The following CORO2B variants were observed in gnomAD, a reference collection of about 807,000 sequenced individuals.
CORO2B encodes the protein coronin-2B.
Under a neutral mutation model 58.8 loss-of-function variants are expected in CORO2B, and 26 were observed. The observed-to-expected ratio is 0.44, with a 90% CI of 0.32 to 0.61. The LOEUF is 0.61. Among genes scored for constraint, CORO2B ranks in the 20% least tolerant of loss-of-function variants. The pLI is 0.04. For synonymous variants in CORO2B, 242 were observed against 253.8 expected (o/e 0.95, Z 0.44); for missense variants, 460 against 645.1 (o/e 0.71, Z 3.11).
chr15:68,592,175 T>C (rs1331714780), intron 1 of CORO2B, among the ~76,000 whole-genome samples: 2 of 152,184 alleles, frequency 1.3e-5, no homozygotes, highest in Non-Finnish European at 2.9e-5. Flanking sequence ...GACAAGTTCA[T>C]GAGACTTGGA....
At chr15:68,582,767 G>A (rs1413924541) in intron 1 of CORO2B, among the ~76,000 whole-genome samples, 1 of 152,198 alleles carries the variant, frequency 6.6e-6, no homozygotes, top group Non-Finnish European at 1.5e-5. Context: ...GCTGCTGGCT[G>A]TGATGTGACC....
chr15:68,615,716 C>A (rs1402856963), intron 1 of CORO2B, among the ~76,000 whole-genome samples: 1 of 152,156 alleles, frequency 6.6e-6, no homozygotes, highest in Non-Finnish European at 1.5e-5. Flanking sequence ...GAGGATGCAG[C>A]TAGAAGGCCC....
chr15:68,594,852 G>A (rs1899788168), intron 1 of CORO2B, among the ~76,000 whole-genome samples: 1 of 152,174 alleles, frequency 6.6e-6, no homozygotes. Flanking sequence ...CTTTCCTGGC[G>A]AATCCAAATA....
chr15:68,544,719 C>T, the CORO2B span, among the ~76,000 whole-genome samples: 2 of 152,008 alleles, frequency 1.3e-5, no homozygotes, highest in Non-Finnish European at 2.9e-5. Flanking sequence ...GGGCCAATAG[C>T]AGCCCCAGGT....
intron 3 of CORO2B, among the ~76,000 whole-genome samples, chr15:68,697,464 C>T (rs1298250480): frequency 1.3e-5 from 2 of 152,168 alleles, no homozygotes; most frequent in African/African-American, 4.8e-5. Context: ...TCCATCAGTT[C>T]ACACGCTGGG....
chr15:68,668,151 A>G (rs144333758), intron 2 of CORO2B, among the ~76,000 whole-genome samples: 4 of 152,250 alleles, frequency 2.6e-5, no homozygotes, highest in Admixed American at 2.0e-4. Context: ...GGAATAAAAT[A>G]GAGTGATGCT....
intron 1 of CORO2B, among the ~76,000 whole-genome samples, chr15:68,591,833 A>G (rs1452745795): frequency 6.6e-6 from 1 of 152,172 alleles, no homozygotes; most frequent in Non-Finnish European, 1.5e-5. Context: ...GAGGACCAGA[A>G]GTTTCCTTCT....
At chr15:68,542,545 G>A in the CORO2B span, among the ~76,000 whole-genome samples, 1 of 152,226 alleles carries the variant, frequency 6.6e-6, no homozygotes, top group Non-Finnish European at 1.5e-5. Flanking sequence ...GTTAAGCTGT[G>A]CTAACAACAA....
At chr15:68,648,183 A>C (rs1901514562) in intron 2 of CORO2B, among the ~76,000 whole-genome samples, 1 of 151,312 alleles carries the variant, frequency 6.6e-6, no homozygotes, top group South Asian at 2.1e-4. Flanking sequence ...AAATACAAAA[A>C]TTAGCTGGGC....
intron 2 of CORO2B, among the ~76,000 whole-genome samples, chr15:68,664,572 G>C (rs954848205): frequency 6.6e-6 from 1 of 152,068 alleles, no homozygotes; most frequent in Non-Finnish European, 1.5e-5. Context: ...GCGTGAACCC[G>C]GGAGGCAGAT....
Position 68,719,442 on chromosome 15 carries a change from TA to T in CORO2B, c.1202del (p.Tyr401LeufsTer24). 6.2e-7 allele frequency: 1 copy of T among 1,614,200 alleles called. No homozygotes were observed. Among genetic ancestry groups the T allele is most frequent in the South Asian group, 1.1e-5 (1 of 91,082 alleles). On this transcript the variant is annotated frameshift_variant, in exon 11 of 12. Coordinates refer to ENST00000261861, the MANE Select transcript of CORO2B (RefSeq NM_006091.5). LOFTEE classifies it high-confidence loss of function. The part of the protein sequence containing the change: ...DPVLMSLKEG[Y>X]KKSSKMVFKA... ...CGTGCTGATGTCTTTGAAAGAAGGCTATAAGAAGTCCTCAAAAATGGTATTT... is the reference window on the plus strand; with the variant it reads ...CGTGCTGATGTCTTTGAAAGAAGGCTTAAGAAGTCCTCAAAAATGGTATTT...
intron 3 of CORO2B, among the ~76,000 whole-genome samples, chr15:68,704,039 T>TAC (rs10566834): frequency 0.011 from 1,368 of 128,120 alleles, 25 homozygotes; most frequent in African/African-American, 0.028. Flanking sequence ...TACACACACA[T>TAC]ACACACACAC....
chr15:68,593,970 C>G (rs1566979985), intron 1 of CORO2B, among the ~76,000 whole-genome samples: 1 of 152,096 alleles, frequency 6.6e-6, no homozygotes, highest in African/African-American at 2.4e-5. Flanking sequence ...AGGAACTAGG[C>G]TAACTGGAGT....
chr15:68,725,850 G>T lies in CORO2B; in HGVS notation c.1319G>T (p.Arg440Leu), dbSNP rs555130626. ...TCTCTTCCTCCACCCCAGCTCCTTC[G>T]AATGTTCTTCCGGCAGCAGGATGAG... ...VPPRTENELL[R>L]MFFRQQDEIR... The change falls in exon 12 of 12, where the codon CGA (arginine) becomes CTA (leucine). Residue 440 changes from arginine (R) to leucine (L), a missense_variant. Arg to Leu is a moderately radical substitution (Grantham distance 102). Coordinates refer to ENST00000261861, the MANE Select transcript of CORO2B (RefSeq NM_006091.5). 1.9e-6 allele frequency: 3 copies of T among 1,613,746 alleles called. No homozygotes were observed. The highest frequency in any genetic ancestry group is 1.1e-5 in the South Asian group (1 of 91,076).
the CORO2B span, among the ~76,000 whole-genome samples, chr15:68,538,010 A>ATTTAG: frequency 6.6e-6 from 1 of 152,208 alleles, no homozygotes; most frequent in Non-Finnish European, 1.5e-5. Context: ...AGTAGGTATC[A>ATTTAG]TCTAGGTGGA....
intron 3 of CORO2B, among the ~76,000 whole-genome samples, chr15:68,705,004 T>C (rs191354280): frequency 3.5e-4 from 53 of 152,256 alleles, no homozygotes; most frequent in African/African-American, 1.2e-3. Flanking sequence ...TACTAAGGGA[T>C]TGGAATTCCT....
At chr15:68,596,994 C>T (rs556416633) in intron 1 of CORO2B, among the ~76,000 whole-genome samples, 1 of 152,104 alleles carries the variant, frequency 6.6e-6, no homozygotes, top group Non-Finnish European at 1.5e-5. Flanking sequence ...AGCAGGGCTC[C>T]GCAGAAGTCC....
At chr15:68,589,505 A>C (rs1899646362) in intron 1 of CORO2B, among the ~76,000 whole-genome samples, 1 of 152,248 alleles carries the variant, frequency 6.6e-6, no homozygotes, top group Non-Finnish European at 1.5e-5. Flanking sequence ...AAGGGACTTT[A>C]AAGATGTACA....
intron 3 of CORO2B, among the ~76,000 whole-genome samples, chr15:68,697,475 G>A (rs923189844): frequency 2.0e-5 from 3 of 152,194 alleles, no homozygotes; most frequent in African/African-American, 7.2e-5. Context: ...ACACGCTGGG[G>A]GTGAGGTCAG....
Sources: gnomAD v4.1 joint callset for allele counts (sites outside exome capture counted in the v4.1 genomes callset) on GRCh38, gnomAD v4.1.1 for gene constraint, MANE v1.5 for transcripts, NCBI Gene and HGNC (gene_info 2026-07-23, HGNC 2026-07-21) for gene names.